The following LARP4 variants were observed in gnomAD, a reference collection of about 807,000 sequenced individuals.
LARP4 encodes the protein La ribonucleoprotein 4.
LARP4 carries 29 observed loss-of-function variants against 92.9 expected under a neutral mutation model. The observed-to-expected ratio is 0.31, with a 90% CI of 0.23 to 0.43. The LOEUF (loss-of-function observed/expected upper bound fraction) is 0.43, where lower values mean the gene tolerates loss of function less well. LARP4 is among the 20% of genes least tolerant of loss of function. The pLI, the probability that LARP4 is intolerant of heterozygous loss-of-function variation, is 1.00. For missense variants in LARP4, 732 were observed against 860.0 expected, an observed-to-expected ratio of 0.85 and a Z score of 1.86; for synonymous variants, 279 against 284.1, an observed-to-expected ratio of 0.98 and a Z score of 0.18.
At chr12:50,426,702 T>G (rs1344299059) in intron 1 of LARP4, among the ~76,000 whole-genome samples, 1 of 135,372 alleles carries the variant, frequency 7.4e-6, no homozygotes, top group African/African-American at 3.1e-5. Context: ...TGTGTGTGTG[T>G]GTGTGTGTGT....
In LARP4 at chr12:50,400,898, G is replaced by T. The variant is rs774198478; in HGVS notation, c.-113G>T. ...CGGCAGGGGAGGAGCCGGGTCCACTGCCGGGTGGAGGGGCAAGGCGAGTGT... is the reference window on the plus strand; with the variant it reads ...CGGCAGGGGAGGAGCCGGGTCCACTTCCGGGTGGAGGGGCAAGGCGAGTGT... On this transcript the variant is annotated 5_prime_UTR_variant, in exon 1 of 16. Transcript: ENST00000398473. 4 of 1,470,348 alleles carry T rather than the reference G, an allele frequency of 2.7e-6. No homozygotes were observed. The Admixed American group carries it at 5.0e-5, about 18-fold the overall frequency. 91.1% of individuals were successfully genotyped at this position (1,470,348 alleles called of 1,614,324 possible).
Position 50,427,851 on chromosome 12 carries a change from T to A in LARP4, c.108T>A (p.Thr36=). ...APGNTDATPV[T]HGTESSWHEI... ...GAAATACTGATGCCACCCCAGTAAC[T>A]CATGGAACTGAAAGCTCTTGGCATG... Residue 36 remains threonine, a synonymous_variant, in exon 2 of 16, where the codon ACT becomes ACA. Transcript: ENST00000398473. The A allele has an allele frequency of 1.9e-6, 3 of 1,604,194 alleles. No individual in the cohort carries two copies. The highest frequency in any genetic ancestry group is 2.6e-6 in the Non-Finnish European group (3 of 1,173,268).
At chr12:50,473,079 G>T (rs934721246) in intron 13 of LARP4, among the ~76,000 whole-genome samples, 2 of 151,988 alleles carry the variant, frequency 1.3e-5, no homozygotes, top group Non-Finnish European at 2.9e-5. Context: ...CTCAGCCTCC[G>T]AAAGTGCTGG....
chr12:50,461,118 T>C lies in LARP4; in HGVS notation c.1122-17T>C. 5 of 1,596,408 alleles carry C rather than the reference T, an allele frequency of 3.1e-6. No homozygotes were observed. Among genetic ancestry groups the C allele is most frequent in the Non-Finnish European group, 4.3e-6 (5 of 1,163,954 alleles). On this transcript the variant is annotated splice_polypyrimidine_tract_variant and intron_variant, in intron 10 of 15. Coordinates refer to ENST00000398473, the MANE Select transcript of LARP4 (RefSeq NM_052879.5). The stretch of plus-strand genomic sequence containing the variant: ...TCGATTTACTGCTTTGTGTATATCA[T>C]TTTGTATTTCCTATAGTGTGAAGCC...
At chr12:50,430,356 CCT>C in intron 3 of LARP4, 137 bp from the exon 4 acceptor site, 1 of 568,208 alleles carries the variant, frequency 1.8e-6, no homozygotes, top group Non-Finnish European at 3.2e-6. Context: ...AAAGGGAGAC[CCT>C]GTTTCTCTGA....
intron 12 of LARP4, among the ~76,000 whole-genome samples, chr12:50,466,723 T>C (rs1218837727): frequency 6.6e-6 from 1 of 152,090 alleles, no homozygotes; most frequent in Admixed American, 6.6e-5. Context: ...TTAAGGAGTA[T>C]GGCAAAGTTT....
At chr12:50,413,006 G>A (rs1946170257) in intron 1 of LARP4, among the ~76,000 whole-genome samples, 1 of 151,834 alleles carries the variant, frequency 6.6e-6, no homozygotes. Flanking sequence ...GGCGGATCAC[G>A]AGGTCAGGAG....
At chr12:50,419,687 G>A (rs571414254) in intron 1 of LARP4, among the ~76,000 whole-genome samples, 3 of 152,044 alleles carry the variant, frequency 2.0e-5, no homozygotes, top group Admixed American at 6.6e-5. Context: ...TGAGATGATC[G>A]TTTGAGGCCA....
At chr12:50,472,915 G>A (rs1441944191) in intron 13 of LARP4, among the ~76,000 whole-genome samples, 5 of 151,826 alleles carry the variant, frequency 3.3e-5, no homozygotes, top group Non-Finnish European at 7.4e-5. Flanking sequence ...CGCCTCCCAG[G>A]TCCTGGTTCA....
intron 8 of LARP4, among the ~76,000 whole-genome samples, chr12:50,442,215 G>A (rs1293805895): frequency 6.6e-6 from 1 of 152,126 alleles, no homozygotes. Flanking sequence ...GATAATTCCA[G>A]ATCTCAAAAT....
chr12:50,456,087 C>T (rs1256071679), intron 10 of LARP4, among the ~76,000 whole-genome samples: 2 of 152,038 alleles, frequency 1.3e-5, no homozygotes, highest in Non-Finnish European at 2.9e-5. Context: ...CCCCGCTCCC[C>T]CCTCCAAAAA....
At chr12:50,471,127 A>C (rs1430081467) in intron 13 of LARP4, among the ~76,000 whole-genome samples, 4 of 152,168 alleles carry the variant, frequency 2.6e-5, no homozygotes, top group African/African-American at 9.7e-5. Context: ...CCATCTCTAA[A>C]AAAATAATAA....
Position 50,448,291 on chromosome 12 carries a change from T to C in LARP4, c.805-5169T>C, listed in dbSNP as rs1593213786. On this transcript the variant is annotated intron_variant, in intron 8 of 15. Transcript: ENST00000398473. The stretch of plus-strand genomic sequence containing the variant: ...TTCTTAAGTGTACAGTTTAGTGCTA[T>C]TAAATACATTCACAATGATTTGCAG... Among the ~76,000 whole-genome samples the C allele has an allele frequency of 2.0e-5, 3 of 152,324 alleles. No individual in the cohort carries two copies. In the East Asian group the frequency reaches 5.8e-4, roughly 29 times the overall value.
At chr12:50,444,994 C>T (rs1477332106) in intron 8 of LARP4, among the ~76,000 whole-genome samples, 2 of 152,118 alleles carry the variant, frequency 1.3e-5, no homozygotes, top group African/African-American at 4.8e-5. Context: ...ATTGCAGCCT[C>T]CTCTTGCCTC....
chr12:50,430,666 T>C (rs1949512260), intron 4 of LARP4, 96 bp downstream of exon 4: 1 of 712,098 alleles, frequency 1.4e-6, no homozygotes, highest in Non-Finnish European at 2.3e-6. Flanking sequence ...ACTAATTTTT[T>C]TTTTTATTTT....
intron 1 of LARP4, among the ~76,000 whole-genome samples, chr12:50,422,385 A>C (rs1947953985): frequency 6.6e-6 from 1 of 151,872 alleles, no homozygotes; most frequent in Non-Finnish European, 1.5e-5. Flanking sequence ...TGTTTTTTCC[A>C]CTCTATTATG....
intron 8 of LARP4, 37 bp from the exon 9 acceptor site, chr12:50,453,423 C>G (rs1477330543): frequency 8.4e-7 from 1 of 1,196,418 alleles, no homozygotes; most frequent in Non-Finnish European, 1.2e-6. Context: ...AAAATATACA[C>G]TTAATTCTTT....
At chr12:50,409,117 C>CT (rs1945382065) in intron 1 of LARP4, among the ~76,000 whole-genome samples, 2 of 151,880 alleles carry the variant, frequency 1.3e-5, no homozygotes, top group South Asian at 4.1e-4. Flanking sequence ...AGGGCAGTGA[C>CT]TGAGTAAAAT....
chr12:50,440,260 A>G (rs969148469), intron 6 of LARP4, among the ~76,000 whole-genome samples, 179 bp from the exon 7 acceptor site: 1 of 152,188 alleles, frequency 6.6e-6, no homozygotes, highest in Non-Finnish European at 1.5e-5. Flanking sequence ...TATATCTCCT[A>G]TTAACTCTGT....
Sources: allele counts gnomAD v4.1 joint callset (sites outside exome capture counted in the v4.1 genomes callset), GRCh38; gene constraint gnomAD v4.1.1; transcripts MANE v1.5; gene names NCBI Gene and HGNC (gene_info 2026-07-23, HGNC 2026-07-21).